RFC2: variants seen among roughly 807,000 people sequenced by gnomAD.
RFC2 encodes the protein A1 40 kDa subunit.
RFC2 carries 34 observed loss-of-function variants against 44.8 expected under a neutral mutation model. The ratio of observed to expected loss-of-function variants is 0.76; its 90% CI spans 0.58 to 1.01. The LOEUF is 1.01. RFC2 is among the 50% of genes least tolerant of loss of function. The pLI, the probability that RFC2 is intolerant of heterozygous loss-of-function variation, is 0.00. For synonymous variants in RFC2, 177 were observed against 168.9 expected (o/e 1.05, Z -0.37); for missense variants, 400 against 453.6 (o/e 0.88, Z 1.07).
intron 9 of RFC2, among the ~76,000 whole-genome samples, chr7:74,236,715 T>C (rs1554718347): frequency 3.3e-5 from 5 of 152,172 alleles, no homozygotes. Flanking sequence ...TCTTTCCTCC[T>C]GACTTTGGCT....
chr7:74,243,159 C>G lies in RFC2; in HGVS notation c.522G>C (p.Ser174=). 1.2e-6 allele frequency: 2 copies of G among 1,612,348 alleles called. No homozygotes were observed. The highest frequency in any genetic ancestry group is 1.7e-6 in the Non-Finnish European group (2 of 1,178,456). Residue 174 remains serine, a synonymous_variant, in exon 6 of 11, where the codon TCG becomes TCC. Coordinates refer to ENST00000055077, the MANE Select transcript of RFC2 (RefSeq NM_181471.3). ...GCTCCCACTCACCGATGATCTTATCCGAAGCATTACAAGCAAGGGCGAAGC... is the reference window on the plus strand; with the variant it reads ...GCTCCCACTCACCGATGATCTTATCGGAAGCATTACAAGCAAGGGCGAAGC... ...TTRFALACNA[S]DKIIEPIQSR...
chr7:74,245,983 T>C (rs1214504597), intron 5 of RFC2, among the ~76,000 whole-genome samples: 12 of 149,172 alleles, frequency 8.0e-5, no homozygotes, highest in Non-Finnish European at 1.5e-4. Flanking sequence ...GATCACGAGG[T>C]CAGGAGATTG....
chr7:74,249,548 A>AAAAT (rs1350566777), intron 3 of RFC2, among the ~76,000 whole-genome samples, 191 bp downstream of exon 3: 2 of 151,922 alleles, frequency 1.3e-5, no homozygotes, highest in African/African-American at 4.8e-5. Flanking sequence ...TTCAGAAAAA[A>AAAAT]AAATAAATAA....
intron 3 of RFC2, 82 bp from the exon 4 acceptor site, chr7:74,249,200 C>T: frequency 1.3e-6 from 2 of 1,599,114 alleles, no homozygotes; most frequent in African/African-American, 1.3e-5. Context: ...CTGCTGTTTG[C>T]ATCTCCGTCA....
intron 6 of RFC2, 135 bp downstream of exon 6, chr7:74,243,011 G>A (rs1042467117): frequency 5.6e-4 from 339 of 610,294 alleles, no homozygotes; most frequent in Non-Finnish European, 9.1e-4. Flanking sequence ...TTGAGCACAG[G>A]AGTTTGAGGC....
chr7:74,239,373 C>T (rs1554718918), intron 7 of RFC2, among the ~76,000 whole-genome samples: 2 of 151,926 alleles, frequency 1.3e-5, no homozygotes, highest in Non-Finnish European at 2.9e-5. Flanking sequence ...GCTCTGTCGC[C>T]CAGGCTGGAG....
chr7:74,232,280 C>G, intron 10 of RFC2, 64 bp from the exon 11 acceptor site: 1 of 877,958 alleles, frequency 1.1e-6, no homozygotes, highest in Non-Finnish European at 1.9e-6. Context: ...AAAATCTGAA[C>G]TGAAAAAAAT....
chr7:74,239,434 C>T (rs1298592615), intron 7 of RFC2, among the ~76,000 whole-genome samples: 1 of 152,050 alleles, frequency 6.6e-6, no homozygotes, highest in Non-Finnish European at 1.5e-5. Context: ...CAGGTTAATG[C>T]CATTCTCTTG....
At chr7:74,245,184 C>T (rs1563994977) in intron 5 of RFC2, among the ~76,000 whole-genome samples, 1 of 151,736 alleles carries the variant, frequency 6.6e-6, no homozygotes, top group East Asian at 2.0e-4. Flanking sequence ...TATGTGCCAC[C>T]ACACCTGGCT....
intron 9 of RFC2, 61 bp downstream of exon 9, chr7:74,237,301 C>A: frequency 8.4e-7 from 1 of 1,184,650 alleles, no homozygotes; most frequent in East Asian, 2.5e-5. Flanking sequence ...GAAGGGCTCC[C>A]GCTCTCCTCT....
At chr7:74,243,858 C>A (rs1380999872) in intron 5 of RFC2, among the ~76,000 whole-genome samples, 6 of 150,606 alleles carry the variant, frequency 4.0e-5, no homozygotes, top group Non-Finnish European at 8.9e-5. Flanking sequence ...TAGAGCAATG[C>A]CTACAACATT....
rs1278469463 is a variant in RFC2, at chr7:74,238,699, C to T, written c.759+224G>A. ...GGGTCTGATGCATCCGTGGTCCTCC[C>T]TCACCTACCACACACAAGTGACGTT... On this transcript the variant is annotated intron_variant, in intron 8 of 10. Transcript: ENST00000055077. The surrounding 1 kb of genome is among the most constrained non-coding windows in gnomAD (Gnocchi z 4.0). Among the ~76,000 whole-genome samples, 1 of 152,202 alleles carries T rather than the reference C, an allele frequency of 6.6e-6. No homozygotes were observed. The highest frequency in any genetic ancestry group is 2.4e-5 in the African/African-American group (1 of 41,456).
In RFC2 at chr7:74,238,150, T is replaced by C. The variant is rs1277853209; in HGVS notation, c.760-708A>G. ...CATCACCCCTGTTTCTGAGCGGGCC[T>C]CCCCTTCCTAAGTGGCCTCGAAAAT... On this transcript the variant is annotated intron_variant, in intron 8 of 10. Transcript: ENST00000055077. This position sits in a 1 kb window ranked among gnomAD's most constrained non-coding sequence, Gnocchi z 4.0. Among the ~76,000 whole-genome samples the C allele has an allele frequency of 6.6e-6, 1 of 151,916 alleles. No individual in the cohort carries two copies. Among genetic ancestry groups the C allele is most frequent in the African/African-American group, 2.4e-5 (1 of 41,368 alleles).
chr7:74,249,926 A>C, intron 2 of RFC2, 146 bp from the exon 3 acceptor site: 1 of 721,872 alleles, frequency 1.4e-6, no homozygotes, highest in Non-Finnish European at 2.5e-6. Context: ...TGGGAGGCCA[A>C]GGCAGGACAA....
At chr7:74,246,166 A>G (rs1283072105) in intron 5 of RFC2, among the ~76,000 whole-genome samples, 6 of 152,190 alleles carry the variant, frequency 3.9e-5, no homozygotes, top group Admixed American at 1.3e-4. Flanking sequence ...ACTGCACTCC[A>G]GCCTGGGAGA....
At chr7:74,234,480 G>A (rs183582091) in intron 10 of RFC2, among the ~76,000 whole-genome samples, 1 of 151,812 alleles carries the variant, frequency 6.6e-6, no homozygotes, top group Admixed American at 6.6e-5. Flanking sequence ...CAATCAATCA[G>A]TCAATACACA....
At position 74,235,658 on chromosome 7, in the gene RFC2, G is replaced by C. The variant is rs782388113; in HGVS notation, c.841-13C>G. ...AGTGAGCAAGAATCTAGACAAAGGA[G>C]ACAGAAAAGGCTGCTTACCACTTTA... On this transcript the variant is annotated splice_polypyrimidine_tract_variant and intron_variant, in intron 9 of 10. Coordinates refer to ENST00000055077, the MANE Select transcript of RFC2 (RefSeq NM_181471.3). The C allele has an allele frequency of 1.3e-6, 2 of 1,543,544 alleles. No homozygotes were observed. Among genetic ancestry groups the C allele is most frequent in the Non-Finnish European group, 1.8e-6 (2 of 1,115,714 alleles).
Position 74,241,946 on chromosome 7 carries a change from C to T in RFC2, c.535+1200G>A, listed in dbSNP as rs980875925. Reference sequence around the variant, plus strand: ...CTGCACTCCAGCCTGGGCGACAGAGCGAGACTCTCTCTACAAAAAAAAGAA... The same window carrying T: ...CTGCACTCCAGCCTGGGCGACAGAGTGAGACTCTCTCTACAAAAAAAAGAA... On this transcript the variant is annotated intron_variant, in intron 6 of 10. Transcript: ENST00000055077. Among the ~76,000 whole-genome samples the T allele has an allele frequency of 2.0e-5, 3 of 151,886 alleles. No homozygotes were observed. In the East Asian group the frequency reaches 5.8e-4, roughly 29 times the overall value.
chr7:74,235,615 A>G lies in RFC2; in HGVS notation c.871T>C (p.Ser291Pro), dbSNP rs200762399. 2 of 1,613,384 alleles carry G rather than the reference A, an allele frequency of 1.2e-6. No homozygotes were observed. Among genetic ancestry groups the G allele is most frequent in the Non-Finnish European group, 1.7e-6 (2 of 1,179,284 alleles). The change falls in exon 10 of 11, where the codon TCA (serine) becomes CCA (proline). Residue 291 changes from serine to proline, a missense_variant. By Grantham distance (74) the Ser-to-Pro change is moderately conservative. Coordinates refer to ENST00000055077, the MANE Select transcript of RFC2 (RefSeq NM_181471.3). ...ATGTTGCCAATGATATCTTCTGGTG[A>G]GTAGCCCAGATGCCACAAGTGAGCA... Reference protein sequence around the residue: ...ILAHLWHLGYSPEDIIGNIFR... With the variant: ...ILAHLWHLGYPPEDIIGNIFR...
Sources: gnomAD v4.1 joint callset for allele counts (sites outside exome capture counted in the v4.1 genomes callset) on GRCh38, gnomAD v4.1.1 for gene constraint, Gnocchi (gnomAD v3.1) non-coding constraint, MANE v1.5 for transcripts, NCBI Gene and HGNC (gene_info 2026-07-23, HGNC 2026-07-21) for gene names.